PTPRN2: variants seen among roughly 807,000 people sequenced by gnomAD.
PTPRN2 encodes protein tyrosine phosphatase receptor type N2, also known as receptor-type tyrosine-protein phosphatase N2.
In PTPRN2, 74 loss-of-function variants were observed where a neutral mutation model predicts 118.8. The observed-to-expected ratio is 0.62, with a 90% CI of 0.52 to 0.76. PTPRN2 has a LOEUF of 0.76. PTPRN2 is among the 30% of genes least tolerant of loss of function. PTPRN2 has a pLI of 0.00. For missense variants in PTPRN2, 1,481 were observed against 1,394.4 expected (o/e 1.06, Z -0.99); for synonymous variants, 641 against 608.0 (o/e 1.05, Z -0.80).
intron 12 of PTPRN2, among the ~76,000 whole-genome samples, chr7:157,789,707 G>A (rs917886663): frequency 3.3e-5 from 5 of 150,836 alleles, no homozygotes; most frequent in African/African-American, 1.2e-4. Context: ...TGTGTGTGGT[G>A]TGTGTGGTAT....
intron 3 of PTPRN2, among the ~76,000 whole-genome samples, chr7:158,305,302 G>A (rs149209981): frequency 6.6e-6 from 1 of 152,180 alleles, no homozygotes; most frequent in East Asian, 1.9e-4. Flanking sequence ...GAATCCAACG[G>A]ATATTTTTAA....
chr7:157,988,639 G>C (rs550189216), intron 11 of PTPRN2, among the ~76,000 whole-genome samples: 1 of 152,352 alleles, frequency 6.6e-6, no homozygotes, highest in South Asian at 2.1e-4. Flanking sequence ...GCCCCAGGGA[G>C]CACAGGGGGG....
intron 12 of PTPRN2, among the ~76,000 whole-genome samples, chr7:157,758,102 G>C (rs1032121448): frequency 2.0e-5 from 3 of 152,252 alleles, no homozygotes; most frequent in Admixed American, 6.5e-5. Context: ...GGGATTGACG[G>C]AGCGGGAGAT....
Position 158,230,651 on chromosome 7 carries a change from TA to T in PTPRN2, c.278-25379del, listed in dbSNP as rs59262929. 1.6e-3 allele frequency among the ~76,000 whole-genome samples: 234 copies of T among 149,470 alleles called. 1 individual carries two copies. The highest frequency in any genetic ancestry group is 3.5e-3 in the East Asian group (18 of 5,116). ...TTTATAAGTCTCATGGCAACTACAA[TA>T]AAAAAAAACTGTAACACATGCACTA... is the stretch of plus-strand genomic sequence containing the variant. On this transcript the variant is annotated intron_variant, in intron 3 of 22. Coordinates refer to ENST00000389418, the MANE Select transcript of PTPRN2 (RefSeq NM_002847.5).
At chr7:158,011,831 A>C (rs991995722) in intron 11 of PTPRN2, among the ~76,000 whole-genome samples, 2 of 152,204 alleles carry the variant, frequency 1.3e-5, no homozygotes, top group Non-Finnish European at 2.9e-5. Context: ...GAGAAAAAGA[A>C]CAATCTTACT....
At chr7:158,132,023 TGAC>T (rs1818363700) in intron 9 of PTPRN2, among the ~76,000 whole-genome samples, 2 of 149,276 alleles carry the variant, frequency 1.3e-5, no homozygotes, top group South Asian at 4.3e-4. Context: ...TACACATCTA[TGAC>T]ATATACACTC....
At position 157,619,657 on chromosome 7, in the gene PTPRN2, T is replaced by C. The variant is rs36015616; in HGVS notation, c.2344+1705A>G. ...CATAGAAACTGGTCTGAACACTAAA[T>C]GGGTAGCAAGAAGCGTGCACCCAGC... On this transcript the variant is annotated intron_variant, in intron 15 of 22. Coordinates refer to ENST00000389418, the MANE Select transcript of PTPRN2 (RefSeq NM_002847.5). The surrounding 1 kb of genome is among the most constrained non-coding windows in gnomAD (Gnocchi z 5.3). 2.5e-4 allele frequency among the ~76,000 whole-genome samples: 38 copies of C among 152,220 alleles called. No homozygotes were observed. Among genetic ancestry groups the C allele is most frequent in the Non-Finnish European group, 4.9e-4 (33 of 68,030 alleles).
chr7:157,876,154 G>A (rs967448919), intron 12 of PTPRN2, among the ~76,000 whole-genome samples: 2 of 152,216 alleles, frequency 1.3e-5, no homozygotes, highest in African/African-American at 2.4e-5. Context: ...TCCTCTCCAC[G>A]AGACCTCAGT....
intron 5 of PTPRN2, among the ~76,000 whole-genome samples, chr7:158,180,008 A>G (rs1319640363): frequency 6.6e-6 from 1 of 152,248 alleles, no homozygotes; most frequent in Non-Finnish European, 1.5e-5. Context: ...GCTCTGCAGG[A>G]GCAGTCACAG....
rs548306529 is a variant in PTPRN2, at chr7:157,779,239, G to A, written c.1789-96302C>T. ...GCTGCCTCCTTGCCATGGGAGCCCCGCCCTGGCTGCCAGGCTTCCCTGGGC... is the reference window on the plus strand; with the variant it reads ...GCTGCCTCCTTGCCATGGGAGCCCCACCCTGGCTGCCAGGCTTCCCTGGGC... On this transcript the variant is annotated intron_variant, in intron 12 of 22. Transcript: ENST00000389418. The surrounding 1 kb of genome is among the most constrained non-coding windows in gnomAD (Gnocchi z 4.7). Among the ~76,000 whole-genome samples the A allele has an allele frequency of 2.5e-4, 38 of 152,258 alleles. 2 individuals carry two copies. The highest frequency in any genetic ancestry group is 5.5e-4 in the African/African-American group (23 of 41,548).
chr7:157,581,926 G>A (rs532908514), intron 17 of PTPRN2, among the ~76,000 whole-genome samples: 14 of 152,330 alleles, frequency 9.2e-5, no homozygotes, highest in African/African-American at 2.6e-4. Flanking sequence ...AGGCAGAGAT[G>A]GAGTGTTGTG....
intron 6 of PTPRN2, among the ~76,000 whole-genome samples, chr7:158,150,121 T>G (rs931309164): frequency 2.6e-5 from 4 of 152,140 alleles, no homozygotes; most frequent in Admixed American, 6.6e-5. Context: ...TCTGCTGAGC[T>G]CTGAAGCTTG....
intron 12 of PTPRN2, among the ~76,000 whole-genome samples, chr7:157,840,812 C>T (rs565555183): frequency 1.9e-4 from 29 of 152,248 alleles, no homozygotes; most frequent in Non-Finnish European, 3.8e-4. Flanking sequence ...GGCCACAGGA[C>T]CCCTGAAGAG....
intron 12 of PTPRN2, among the ~76,000 whole-genome samples, chr7:157,721,257 A>G (rs1799217055): frequency 6.6e-6 from 1 of 152,194 alleles, no homozygotes; most frequent in Admixed American, 6.5e-5. Context: ...CTGCATCCAC[A>G]AGGGAGATTT....
chr7:158,580,248 T>C (rs1173474334), intron 1 of PTPRN2, among the ~76,000 whole-genome samples: 2 of 152,266 alleles, frequency 1.3e-5, no homozygotes, highest in African/African-American at 4.8e-5. Context: ...ACTGCTGCTT[T>C]GAGCTGGATT....
Position 157,643,740 on chromosome 7 carries a change from G to A in PTPRN2, c.2196+12617C>T, listed in dbSNP as rs6951707. On this transcript the variant is annotated intron_variant, in intron 14 of 22. Transcript: ENST00000389418. ...CACAGTAAAGGAGGTGGGAGCAGGC[G>A]GCCAGGCTCCAGCCAGGAAGTGTGA... Among the ~76,000 whole-genome samples the A allele has an allele frequency of 4.5e-3, 683 of 152,336 alleles. 7 individuals carry two copies. The highest frequency in any genetic ancestry group is 0.016 in the African/African-American group (649 of 41,562).
chr7:158,430,237 T>C (rs1453744509), intron 2 of PTPRN2, among the ~76,000 whole-genome samples: 1 of 152,064 alleles, frequency 6.6e-6, no homozygotes, highest in Non-Finnish European at 1.5e-5. Flanking sequence ...CAACAATGCT[T>C]TGTAAGGATC....
At chr7:157,573,796 A>AT (rs1360612327) in intron 19 of PTPRN2, among the ~76,000 whole-genome samples, 1 of 151,942 alleles carries the variant, frequency 6.6e-6, no homozygotes, top group East Asian at 1.9e-4. Flanking sequence ...GGAAGATACC[A>AT]TTTTCTCTGA....
At chr7:158,497,534 C>A (rs1241156552) in intron 1 of PTPRN2, among the ~76,000 whole-genome samples, 1 of 152,082 alleles carries the variant, frequency 6.6e-6, no homozygotes, top group Non-Finnish European at 1.5e-5. Flanking sequence ...GGGTCCACAG[C>A]CAAATTGGTA....
Sources: allele counts gnomAD v4.1 joint callset (sites outside exome capture counted in the v4.1 genomes callset), GRCh38; gene constraint gnomAD v4.1.1; non-coding constraint Gnocchi (gnomAD v3.1); transcripts MANE v1.5; gene names NCBI Gene and HGNC (gene_info 2026-07-23, HGNC 2026-07-21).